DNAH17: variants seen among roughly 807,000 people sequenced by gnomAD.
DNAH17 encodes the protein dynein axonemal heavy chain 17, also known as axonemal beta dynein heavy chain 17.
In DNAH17, 376 loss-of-function variants were observed where a neutral mutation model predicts 485.6. The observed-to-expected ratio is 0.77, with a 90% confidence interval of 0.71 to 0.84. The LOEUF (loss-of-function observed/expected upper bound fraction) is 0.84, where lower values mean the gene tolerates loss of function less well. DNAH17 is among the 40% of genes least tolerant of loss of function. DNAH17 has a pLI of 0.00. For missense variants in DNAH17, 6,370 were observed against 5,839.3 expected (o/e 1.09, Z -2.96); for synonymous variants, 3,031 against 2,405.9 (o/e 1.26, Z -7.60).
rs2087918525 is a variant in DNAH17 at position 78,458,503 on chromosome 17, G to A, written c.9977+62C>T. On this transcript the variant is annotated intron_variant, in intron 62 of 80. Coordinates refer to ENST00000389840, the MANE Select transcript of DNAH17 (RefSeq NM_173628.4). ...CTCCTCTTCCTCCCAAGGCAGTTGT[G>A]TGGGCTTGTCCCTTTCAGGGGGTCT... is the stretch of plus-strand genomic sequence containing the variant. The A allele has an allele frequency of 6.3e-6, 9 of 1,429,170 alleles. No individual in the cohort carries two copies. In the East Asian group the frequency reaches 1.6e-4, roughly 25 times the overall value. The allele number at this position is 1,429,170 out of a possible 1,614,324, so 88.5% of individuals were successfully genotyped here. A position where few individuals can be genotyped will look rare whatever the true frequency, so the allele number is the denominator to read the frequency against.
chr17:78,480,714 G>A lies in DNAH17; in HGVS notation c.7722C>T (p.Ser2574=), dbSNP rs765728191. The change falls in exon 49 of 81, where the codon TCC becomes TCT. Residue 2574 remains serine, a synonymous_variant. Coordinates refer to ENST00000389840, the MANE Select transcript of DNAH17 (RefSeq NM_173628.4). ...CQYVACMNPT[S]GSFTIDSRLQ... Reference sequence around the variant, plus strand: ...GCCTGGAGTCGATGGTGAAGGATCCGGAAGTGGGGTTCATGCAGGCCACGT... The same window carrying A: ...GCCTGGAGTCGATGGTGAAGGATCCAGAAGTGGGGTTCATGCAGGCCACGT... 2.5e-5 allele frequency: 41 copies of A among 1,613,464 alleles called. No individual in the cohort carries two copies. The highest frequency in any genetic ancestry group is 1.6e-4 in the Middle Eastern group (1 of 6,080).
rs1259903624 is a variant in DNAH17 at position 78,453,390 on chromosome 17, G to T, written c.10482C>A (p.Asp3494Glu). The part of the protein sequence containing the change: ...LLIENIGETV[D>E]PVLDPLLGRN... ...TGCCCAGTAGAGGGTCCAGCACGGG[G>T]TCCACGGTTTCGCCGATGTTCTCAA... The change falls in exon 65 of 81, where the codon GAC becomes GAA. Residue 3494 changes from aspartate to glutamate, a missense_variant. Transcript: ENST00000389840. 6.2e-7 allele frequency: 1 copy of T among 1,613,840 alleles called. No homozygotes were observed.
intron 51 of DNAH17, among the ~76,000 whole-genome samples, chr17:78,476,980 T>A (rs1028604714): frequency 6.6e-6 from 1 of 152,036 alleles, no homozygotes; most frequent in Admixed American, 6.6e-5. Flanking sequence ...TGGGGCCTCA[T>A]CCTCCAGAAG....
In DNAH17 at chr17:78,426,575, A is replaced by G; in HGVS notation, c.12797T>C (p.Val4266Ala). 6.2e-7 allele frequency: 1 copy of G among 1,611,712 alleles called. No homozygotes were observed. Among genetic ancestry groups the G allele is most frequent in the Admixed American group, 1.7e-5 (1 of 59,782 alleles). ...GAAGAGAGCCGTGGACAGATCTTCC[A>G]CGTCGGTCGTGATGGTCAGTTCTCC... ...LKGELTITTD[V>A]EDLSTALFYD... is the part of the protein sequence containing the mutation. The change falls in exon 79 of 81, where the codon GTG becomes GCG. Residue 4266 changes from valine (V) to alanine (A), a missense_variant. Physicochemically the swap from Val to Ala is moderately conservative, Grantham distance 64. Coordinates refer to ENST00000389840, the MANE Select transcript of DNAH17 (RefSeq NM_173628.4).
At chr17:78,530,200 G>A in intron 21 of DNAH17, 143 bp downstream of exon 21, 13 of 923,066 alleles carry the variant, frequency 1.4e-5, no homozygotes, top group Middle Eastern at 6.9e-4. Context: ...ACGCTTGGTG[G>A]GGTAGTTGGC....
At chr17:78,524,946 G>T in intron 25 of DNAH17, 63 bp downstream of exon 25, 1 of 1,548,532 alleles carries the variant, frequency 6.5e-7, no homozygotes. Context: ...CTGCCCTCTT[G>T]TTGCCGGGGG....
chr17:78,461,858 T>C (rs900472596), intron 57 of DNAH17, 150 bp from the exon 58 acceptor site: 4 of 689,286 alleles, frequency 5.8e-6, no homozygotes, highest in Admixed American at 6.6e-5. Flanking sequence ...GGAGAGTCTT[T>C]TCAATATCTT....
rs570754592 is a variant in DNAH17, at chr17:78,572,278, G to C, written c.539+423C>G. Among the ~76,000 whole-genome samples, 209 of 151,826 alleles carry C rather than the reference G, an allele frequency of 1.4e-3. 6 individuals are homozygous for C. The East Asian group carries it at 0.035, about 25-fold the overall frequency. On this transcript the variant is annotated intron_variant, in intron 3 of 80. Coordinates refer to ENST00000389840, the MANE Select transcript of DNAH17 (RefSeq NM_173628.4). ...GCTTCCCAGGGCCTCTGGGGGCACC[G>C]CAGCCTCTACACAGACTTGCATGTA...
chr17:78,440,938 C>G (rs781480742), intron 72 of DNAH17, 113 bp downstream of exon 72: 9 of 1,310,558 alleles, frequency 6.9e-6, no homozygotes, highest in Admixed American at 2.2e-5. Flanking sequence ...GGCGTGAAGC[C>G]GCGTCTTGGG....
chr17:78,537,056 T>C (rs1003287982), intron 19 of DNAH17, among the ~76,000 whole-genome samples: 2 of 151,506 alleles, frequency 1.3e-5, no homozygotes, highest in African/African-American at 4.8e-5. Context: ...CGGGTGCCTG[T>C]AATCCCAGCT....
At chr17:78,460,338 G>GTGTGTGCATGTGTGTGCATA in intron 58 of DNAH17, 81 bp from the exon 59 acceptor site, 1 of 910,936 alleles carries the variant, frequency 1.1e-6, no homozygotes, top group Non-Finnish European at 1.7e-6. Context: ...GTGTGTGCAT[G>GTGTGTGCATGTGTGTGCATA]TGTGTGCATG....
At chr17:78,424,263 A>G in intron 80 of DNAH17, 110 bp from the exon 81 acceptor site, 3 of 1,372,106 alleles carry the variant, frequency 2.2e-6, no homozygotes, top group Non-Finnish European at 2.9e-6. Context: ...GCTGGGCTCT[A>G]CCCCAAAAGG....
rs941060466 is a variant in DNAH17 at position 78,505,614 on chromosome 17, A to G, written c.4804-169T>C. Among the ~76,000 whole-genome samples the G allele has an allele frequency of 4.6e-5, 7 of 152,214 alleles. No homozygotes were observed. In the South Asian group the frequency reaches 1.4e-3, roughly 31 times the overall value. On this transcript the variant is annotated intron_variant, in intron 30 of 80. Coordinates refer to ENST00000389840, the MANE Select transcript of DNAH17 (RefSeq NM_173628.4). ...AAGTCAACAAAAGGAACCAGCGAAG[A>G]CTGCTCTGAGTCAGGACACAGAAAC...
rs372726509 is a variant in DNAH17 at position 78,537,521 on chromosome 17, T to C, written c.2677-40A>G. 2.4e-5 allele frequency: 39 copies of C among 1,600,996 alleles called. 1 individual carries two copies. The African/African-American group carries it at 3.2e-4, about 13-fold the overall frequency. On this transcript the variant is annotated intron_variant, in intron 18 of 80. Coordinates refer to ENST00000389840, the MANE Select transcript of DNAH17 (RefSeq NM_173628.4). Reference sequence around the variant, plus strand: ...GGGTTGGCAGTGGTCAACACCTCTGTCCTCCATCGGATGATTCTCAGTGCC... The same window carrying C: ...GGGTTGGCAGTGGTCAACACCTCTGCCCTCCATCGGATGATTCTCAGTGCC...
chr17:78,535,586 G>T (rs546814073), intron 19 of DNAH17, among the ~76,000 whole-genome samples: 1 of 152,238 alleles, frequency 6.6e-6, no homozygotes, highest in South Asian at 2.1e-4. Context: ...AGCTCATCTC[G>T]CTGTAAATAT....
intron 17 of DNAH17, among the ~76,000 whole-genome samples, chr17:78,540,697 G>T (rs1312802433): frequency 2.1e-5 from 1 of 46,906 alleles, no homozygotes; most frequent in South Asian, 8.0e-4. Context: ...TGGGTGGATG[G>T]GTGGAGAGAT....
chr17:78,510,750 G>GCCCCCCCCCC (rs2090612882), intron 26 of DNAH17: 2 of 306,164 alleles, frequency 6.5e-6, no homozygotes, highest in African/African-American at 1.1e-4. Context: ...GCGGAATTGC[G>GCCCCCCCCCC]GCCCCCCCGC....
chr17:78,438,524 G>A (rs977923533), intron 73 of DNAH17, among the ~76,000 whole-genome samples: 2 of 142,236 alleles, frequency 1.4e-5, no homozygotes, highest in Non-Finnish European at 3.0e-5. Flanking sequence ...TTGAGATGGA[G>A]TCTCACTCTG....
chr17:78,515,306 C>T (rs1211023164), intron 25 of DNAH17, among the ~76,000 whole-genome samples: 1 of 152,134 alleles, frequency 6.6e-6, no homozygotes, highest in Non-Finnish European at 1.5e-5. Context: ...GTCAGGAGTT[C>T]GAGACCAGCC....
Sources: allele counts gnomAD v4.1 joint callset (sites outside exome capture counted in the v4.1 genomes callset), GRCh38; gene constraint gnomAD v4.1.1; transcripts MANE v1.5; gene names NCBI Gene and HGNC (gene_info 2026-07-23, HGNC 2026-07-21).